The following GPHN variants were observed in gnomAD, a reference collection of about 807,000 sequenced individuals.
The protein encoded by GPHN is gephyrin.
GPHN carries 17 observed loss-of-function variants against 95.5 expected under a neutral mutation model. The observed-to-expected ratio is 0.18, with a 90% CI of 0.12 to 0.27. The LOEUF (loss-of-function observed/expected upper bound fraction) is 0.27. GPHN is among the 10% of genes least tolerant of loss of function. The probability of loss-of-function intolerance (pLI) is 1.00; values close to 1 mark genes in which losing one functional copy is unlikely to be tolerated. For missense variants in GPHN, 660 were observed against 978.1 expected, an observed-to-expected ratio of 0.67 and a Z score of 4.34; for synonymous variants, 320 against 322.5, an observed-to-expected ratio of 0.99 and a Z score of 0.08.
At chr14:66,638,525 T>C (rs1296133506) in intron 1 of GPHN, among the ~76,000 whole-genome samples, 4 of 151,892 alleles carry the variant, frequency 2.6e-5, no homozygotes, top group African/African-American at 9.7e-5. Flanking sequence ...TCTAGAAGAG[T>C]AGTGCAGTAG....
the GPHN span, among the ~76,000 whole-genome samples, chr14:67,203,764 G>C: frequency 6.6e-6 from 1 of 152,224 alleles, no homozygotes; most frequent in African/African-American, 2.4e-5. Flanking sequence ...CCAGGCTGGA[G>C]TGCAATGGCA....
intron 10 of GPHN, among the ~76,000 whole-genome samples, chr14:67,053,779 T>A (rs2075421825): frequency 2.0e-5 from 3 of 152,314 alleles, no homozygotes; most frequent in Admixed American, 1.3e-4. Context: ...CAAGACAGCT[T>A]CATCCCCAAG....
the GPHN span, among the ~76,000 whole-genome samples, chr14:67,629,634 C>A: frequency 6.6e-6 from 1 of 152,196 alleles, no homozygotes; most frequent in Non-Finnish European, 1.5e-5. Flanking sequence ...CAATCAACTT[C>A]TCAGTCTTCT....
the GPHN span, among the ~76,000 whole-genome samples, chr14:67,404,852 TA>T: frequency 1.3e-5 from 2 of 152,058 alleles, no homozygotes; most frequent in South Asian, 4.1e-4. Flanking sequence ...AATACTTATG[TA>T]TTTCTTGTAG....
intron 1 of GPHN, among the ~76,000 whole-genome samples, chr14:66,546,109 G>A (rs946018607): frequency 4.6e-5 from 7 of 151,296 alleles, no homozygotes; most frequent in Non-Finnish European, 1.0e-4. Flanking sequence ...CGGGGCAGAG[G>A]CGCTCCCCAC....
At chr14:67,457,585 A>G in the GPHN span, among the ~76,000 whole-genome samples, 2 of 152,342 alleles carry the variant, frequency 1.3e-5, no homozygotes, top group South Asian at 2.1e-4. Context: ...CTGGCTGAGC[A>G]ACAGAGAGAG....
At chr14:67,261,537 T>C in the GPHN span, among the ~76,000 whole-genome samples, 5 of 152,200 alleles carry the variant, frequency 3.3e-5, no homozygotes, top group Non-Finnish European at 7.4e-5. Context: ...AGGATATTCA[T>C]TTTTAAGCTA....
At chr14:66,902,857 A>C (rs561382378) in intron 5 of GPHN, among the ~76,000 whole-genome samples, 1 of 152,182 alleles carries the variant, frequency 6.6e-6, no homozygotes, top group East Asian at 1.9e-4. Context: ...GTGTCAGGGT[A>C]ATGCTGGCCG....
At chr14:67,367,105 A>G in the GPHN span, among the ~76,000 whole-genome samples, 3 of 152,196 alleles carry the variant, frequency 2.0e-5, no homozygotes, top group Admixed American at 1.3e-4. Flanking sequence ...AACTACTGAA[A>G]CACAGGGTGG....
chr14:66,793,444 A>G (rs543866056), intron 3 of GPHN, among the ~76,000 whole-genome samples: 67 of 152,316 alleles, frequency 4.4e-4, no homozygotes, highest in Middle Eastern at 3.4e-3. Context: ...GGGAAATAAG[A>G]TGGTTAATAT....
intron 1 of GPHN, among the ~76,000 whole-genome samples, chr14:66,631,042 T>C (rs1488699342): frequency 1.3e-5 from 2 of 151,892 alleles, no homozygotes. Flanking sequence ...TTCTTTTTTT[T>C]TGTTTTTGTT....
the GPHN span, among the ~76,000 whole-genome samples, chr14:67,448,411 G>A: frequency 3.3e-5 from 5 of 151,964 alleles, no homozygotes; most frequent in Admixed American, 6.6e-5. Context: ...CTGTTGAATT[G>A]TATATTTTAC....
At chr14:67,666,605 C>A in the GPHN span, among the ~76,000 whole-genome samples, 1 of 152,200 alleles carries the variant, frequency 6.6e-6, no homozygotes, top group African/African-American at 2.4e-5. Context: ...GGATCAATAG[C>A]AGCTTTTTAA....
the GPHN span, among the ~76,000 whole-genome samples, chr14:67,698,717 T>C: frequency 6.6e-6 from 1 of 152,154 alleles, no homozygotes; most frequent in Non-Finnish European, 1.5e-5. Context: ...GAAAAATAAA[T>C]ATTTTATGCT....
At chr14:66,770,414 A>G (rs2059122400) in intron 2 of GPHN, among the ~76,000 whole-genome samples, 1 of 152,186 alleles carries the variant, frequency 6.6e-6, no homozygotes, top group African/African-American at 2.4e-5. Context: ...TCCTGCATCC[A>G]GAATGGTATT....
At chr14:66,662,511 A>G (rs2065719491) in intron 1 of GPHN, among the ~76,000 whole-genome samples, 1 of 152,212 alleles carries the variant, frequency 6.6e-6, no homozygotes, top group South Asian at 2.1e-4. Context: ...TGTGCCCACA[A>G]AGATAAAGAA....
At chr14:67,670,773 G>T in the GPHN span, among the ~76,000 whole-genome samples, 1 of 152,110 alleles carries the variant, frequency 6.6e-6, no homozygotes, top group Non-Finnish European at 1.5e-5. Flanking sequence ...TGATCCGCCC[G>T]CCTAGGCCTC....
At chr14:67,050,458 A>G (rs1210065345) in intron 10 of GPHN, among the ~76,000 whole-genome samples, 1 of 152,220 alleles carries the variant, frequency 6.6e-6, no homozygotes, top group Non-Finnish European at 1.5e-5. Flanking sequence ...GTGACAGAGA[A>G]TACAAAGATT....
the GPHN span, chr14:67,381,680 T>G: frequency 6.2e-7 from 1 of 1,612,686 alleles, no homozygotes; most frequent in Non-Finnish European, 8.5e-7. Context: ...ACAGAAAACA[T>G]GCCCATTAAG....
Sources: allele counts gnomAD v4.1 joint callset (sites outside exome capture counted in the v4.1 genomes callset), GRCh38; gene constraint gnomAD v4.1.1; transcripts MANE v1.5; gene names NCBI Gene and HGNC (gene_info 2026-07-23, HGNC 2026-07-21).